The following TDRD12 variants were observed in gnomAD, a reference collection of about 807,000 sequenced individuals.
TDRD12 encodes the protein tudor domain containing 12.
Under a neutral mutation model 133.5 loss-of-function variants are expected in TDRD12, and 158 were observed. The observed-to-expected ratio is 1.18, with a 90% confidence interval of 1.04 to 1.35. The LOEUF is 1.35. Among genes scored for constraint, TDRD12 ranks in the 40% most tolerant of loss-of-function variants. TDRD12 has a pLI of 0.00. For synonymous variants in TDRD12, 460 were observed against 477.9 expected (o/e 0.96, Z 0.49); for missense variants, 1,443 against 1,321.3 (o/e 1.09, Z -1.43).
chr19:32,720,169 C>G, intron 1 of TDRD12, 73 bp downstream of exon 1: 1 of 1,460,508 alleles, frequency 6.8e-7, no homozygotes, highest in Non-Finnish European at 9.1e-7. Context: ...CGCACAGCCT[C>G]CCACCCCCAC....
At chr19:32,747,575 C>T (rs950970407) in intron 4 of TDRD12, among the ~76,000 whole-genome samples, 2 of 152,096 alleles carry the variant, frequency 1.3e-5, no homozygotes, top group Non-Finnish European at 2.9e-5. Flanking sequence ...CCAAGTTTCT[C>T]CTCTTTCCCC....
intron 11 of TDRD12, among the ~76,000 whole-genome samples, chr19:32,780,410 A>G (rs951968386): frequency 7.2e-5 from 11 of 152,176 alleles, no homozygotes; most frequent in Non-Finnish European, 1.2e-4. Context: ...TCTTTGTGAT[A>G]CCATTTCAAT....
At chr19:32,803,570 T>G (rs1480543522) in intron 21 of TDRD12, among the ~76,000 whole-genome samples, 1 of 152,222 alleles carries the variant, frequency 6.6e-6, no homozygotes, top group Non-Finnish European at 1.5e-5. Flanking sequence ...TTAGGAACAC[T>G]CTTGGCCATG....
chr19:32,824,607 G>C (rs1005791779), downstream of TDRD12: 1 of 152,290 alleles, frequency 6.6e-6, no homozygotes, highest in Non-Finnish European at 1.5e-5. Flanking sequence ...TTCGCAAGCA[G>C]ACAGCTGTCG....
intron 11 of TDRD12, among the ~76,000 whole-genome samples, chr19:32,784,378 TGGATTC>T (rs1355205820): frequency 6.6e-6 from 1 of 152,214 alleles, no homozygotes; most frequent in Non-Finnish European, 1.5e-5. Context: ...GATGTGCTGC[TGGATTC>T]GGTTTGCCAG....
At chr19:32,790,805 G>T in intron 12 of TDRD12, 159 bp from the exon 13 acceptor site, 1 of 1,467,334 alleles carries the variant, frequency 6.8e-7, no homozygotes, top group Non-Finnish European at 9.0e-7. Context: ...TCTTCCTTTT[G>T]GTAGTTTGGT....
chr19:32,809,967 C>G, intron 22 of TDRD12, 126 bp from the exon 23 acceptor site: 1 of 554,022 alleles, frequency 1.8e-6, no homozygotes, highest in Non-Finnish European at 2.8e-6. Context: ...CTAGTTTTTT[C>G]TAAATCCACG....
chr19:32,766,352 G>A (rs1970295953), intron 8 of TDRD12, among the ~76,000 whole-genome samples: 1 of 152,156 alleles, frequency 6.6e-6, no homozygotes, highest in Non-Finnish European at 1.5e-5. Context: ...ATTCTCTGAA[G>A]CTTTATTGTT....
intron 11 of TDRD12, among the ~76,000 whole-genome samples, chr19:32,788,081 CT>C (rs1411156690): frequency 6.6e-6 from 1 of 151,348 alleles, no homozygotes; most frequent in African/African-American, 2.4e-5. Context: ...AGTGCCTGCT[CT>C]TTTTTTAATC....
intron 19 of TDRD12, 107 bp from the exon 20 acceptor site, chr19:32,802,549 G>A: frequency 3.1e-6 from 4 of 1,305,696 alleles, no homozygotes; most frequent in Non-Finnish European, 4.1e-6. Context: ...ATCCAAAAAA[G>A]TAAAATGTGA....
chr19:32,772,527 G>A (rs1248952837), intron 8 of TDRD12, among the ~76,000 whole-genome samples: 1 of 152,192 alleles, frequency 6.6e-6, no homozygotes, highest in African/African-American at 2.4e-5. Context: ...TTATTAGCTG[G>A]TATGGGAATT....
At position 32,802,696 on chromosome 19, in the gene TDRD12, T is replaced by C. The variant is rs1001911240; in HGVS notation, c.2238T>C (p.Asp746=). The C allele has an allele frequency of 6.5e-6, 10 of 1,536,176 alleles. No individual in the cohort carries two copies. The Admixed American group carries it at 7.8e-5, about 12-fold the overall frequency. The change falls in exon 20 of 28, where the codon GAT becomes GAC. Residue 746 remains aspartate, a synonymous_variant. Transcript: ENST00000444215. ...GCGTCCCACTCTTGGCCATCACCGA[T>C]GCCACGTGTGTGATTCACTTCAGTT...
chr19:32,722,296 C>T (rs570171681), intron 1 of TDRD12, among the ~76,000 whole-genome samples: 131 of 152,270 alleles, frequency 8.6e-4, no homozygotes, highest in African/African-American at 3.1e-3. Flanking sequence ...ACTTTGATAG[C>T]AGGAGCTGGA....
chr19:32,828,901 C>G (rs1967671041), exon 10 of TDRD12: 1 of 152,248 alleles, frequency 6.6e-6, no homozygotes, highest in Non-Finnish European at 1.5e-5. Context: ...CGCTGTGCAG[C>G]CAGGACAGCT....
At chr19:32,761,866 A>G (rs1599870379) in intron 8 of TDRD12, among the ~76,000 whole-genome samples, 1 of 152,036 alleles carries the variant, frequency 6.6e-6, no homozygotes, top group South Asian at 2.1e-4. Flanking sequence ...TTGTATTTTT[A>G]GTAGAGACGG....
At chr19:32,750,570 A>C (rs191642697) in intron 6 of TDRD12, among the ~76,000 whole-genome samples, 2 of 152,350 alleles carry the variant, frequency 1.3e-5, no homozygotes, top group African/African-American at 4.8e-5. Flanking sequence ...CCAGAAAAGT[A>C]ACATTGATAA....
At chr19:32,776,905 A>G (rs568559305) in intron 10 of TDRD12, among the ~76,000 whole-genome samples, 7 of 152,256 alleles carry the variant, frequency 4.6e-5, no homozygotes, top group Admixed American at 1.3e-4. Context: ...CATTTTTTTA[A>G]GAGACAGGGT....
intron 2 of TDRD12, among the ~76,000 whole-genome samples, chr19:32,736,000 A>T (rs1969211984): frequency 6.6e-6 from 1 of 152,128 alleles, no homozygotes; most frequent in Non-Finnish European, 1.5e-5. Context: ...CGGTGTCTTT[A>T]AAGGACTAAA....
intron 4 of TDRD12, among the ~76,000 whole-genome samples, chr19:32,746,754 C>G (rs991473782): frequency 2.9e-3 from 138 of 47,860 alleles, no homozygotes; most frequent in East Asian, 3.9e-3. Flanking sequence ...GTGAGAGAGA[C>G]GGGGAGAGAG....
Sources: allele counts gnomAD v4.1 joint callset (sites outside exome capture counted in the v4.1 genomes callset), GRCh38; gene constraint gnomAD v4.1.1; transcripts MANE v1.5; gene names NCBI Gene and HGNC (gene_info 2026-07-23, HGNC 2026-07-21).